Variants in IVNS1ABP observed in about 807,000 individuals in gnomAD.
IVNS1ABP encodes the protein influenza virus NS1A-binding protein.
Under a neutral mutation model 78.9 loss-of-function variants are expected in IVNS1ABP, and 25 were observed. The ratio of observed to expected loss-of-function variants is 0.32; its 90% confidence interval spans 0.23 to 0.44. The LOEUF is 0.44. Among genes scored for constraint, IVNS1ABP ranks in the 20% least tolerant of loss-of-function variants. The pLI is 1.00. For missense variants in IVNS1ABP, 494 were observed against 768.9 expected, an observed-to-expected ratio of 0.64 and a Z score of 4.23; for synonymous variants, 241 against 259.7, an observed-to-expected ratio of 0.93 and a Z score of 0.69.
At chr1:185,306,988 T>C in intron 7 of IVNS1ABP, 26 bp downstream of exon 7, 1 of 1,607,628 alleles carries the variant, frequency 6.2e-7, no homozygotes, top group Non-Finnish European at 8.5e-7. Context: ...TAAAAATGGT[T>C]GAATCCCATT....
intron 1 of IVNS1ABP, among the ~76,000 whole-genome samples, chr1:185,316,331 C>A (rs1321286116): frequency 1.3e-5 from 2 of 152,174 alleles, no homozygotes; most frequent in Non-Finnish European, 2.9e-5. Flanking sequence ...CCTCCCTCCT[C>A]CCGCCCCCTT....
chr1:185,308,652 C>G (rs1665803409), intron 5 of IVNS1ABP, 148 bp downstream of exon 5: 1 of 640,674 alleles, frequency 1.6e-6, no homozygotes, highest in East Asian at 2.7e-5. Flanking sequence ...TATAGCCAAA[C>G]AGTTAAAATA....
rs564070732 is a variant in IVNS1ABP, at chr1:185,298,889, A to G, written c.1676-601T>C. On this transcript the variant is annotated intron_variant, in intron 14 of 14. Transcript: ENST00000367498. This position sits in a 1 kb window ranked among gnomAD's most constrained non-coding sequence, Gnocchi z 4.1. ...CCAGCCTGGGCAACACAGTGAGACC[A>G]TGTCTCAATTAAAAAAATAAAATGA... 29 of 152,432 alleles carry G rather than the reference A, an allele frequency of 1.9e-4. 1 individual carries two copies. The East Asian group carries it at 5.6e-3, about 29-fold the overall frequency. 9.4% of individuals were successfully genotyped at this position (152,432 alleles called of 1,614,324 possible).
chr1:185,316,658 C>T (rs1666040290), intron 1 of IVNS1ABP, among the ~76,000 whole-genome samples: 1 of 152,206 alleles, frequency 6.6e-6, no homozygotes, highest in Non-Finnish European at 1.5e-5. Context: ...CAGCCTGCCT[C>T]ACCCGCGCCA....
chr1:185,312,356 C>T (rs1360225840), intron 1 of IVNS1ABP, among the ~76,000 whole-genome samples: 2 of 152,202 alleles, frequency 1.3e-5, no homozygotes, highest in African/African-American at 4.8e-5. Context: ...GAAACCAGAA[C>T]TAAGGAATAA....
At chr1:185,307,795 T>C (rs753334852) in intron 5 of IVNS1ABP, 133 bp from the exon 6 acceptor site, 14 of 1,186,860 alleles carry the variant, frequency 1.2e-5, no homozygotes, top group African/African-American at 1.5e-5. Flanking sequence ...CAAATGTTAA[T>C]AGTGGTAATA....
intron 2 of IVNS1ABP, among the ~76,000 whole-genome samples, chr1:185,310,227 T>C (rs1167668998): frequency 6.6e-6 from 1 of 152,222 alleles, no homozygotes; most frequent in African/African-American, 2.4e-5. Flanking sequence ...TCAGATTATA[T>C]AAATATAAAT....
In IVNS1ABP at chr1:185,297,128, GGCT is replaced by G. The variant is rs1336611312; in HGVS notation, c.*904_*906del. ...TAAAGTAAATTTTTTCACAATTGAG[GGCT>G]GCTATTTAGGACTGTTTTGTTAATA... On this transcript the variant is annotated 3_prime_UTR_variant, in exon 15 of 15. Transcript: ENST00000367498. 7 of 151,848 alleles carry G rather than the reference GGCT, an allele frequency of 4.6e-5. No individual in the cohort carries two copies. Among genetic ancestry groups the G allele is most frequent in the African/African-American group, 1.5e-4 (6 of 41,332 alleles). The allele number at this position is 151,848 out of a possible 1,614,324, so 9.4% of individuals were successfully genotyped here. A position where few individuals can be genotyped will look rare whatever the true frequency, so the allele number is the denominator to read the frequency against.
intron 8 of IVNS1ABP, among the ~76,000 whole-genome samples, chr1:185,303,725 AATAGTCT>A (rs1370394893): frequency 6.6e-6 from 1 of 152,116 alleles, no homozygotes; most frequent in African/African-American, 2.4e-5. Flanking sequence ...TACTGCTGGC[AATAGTCT>A]ATAAACTGGG....
rs1354133032 is a variant in IVNS1ABP, at chr1:185,297,711, C to T, written c.*324G>A. 8.8e-6 allele frequency: 3 copies of T among 339,426 alleles called. No homozygotes were observed. The allele number at this position is 339,426 out of a possible 1,614,324, so 21.0% of individuals were successfully genotyped here. On this transcript the variant is annotated 3_prime_UTR_variant, in exon 15 of 15. Coordinates refer to ENST00000367498, the MANE Select transcript of IVNS1ABP (RefSeq NM_006469.5). ...CATAGTACACATTTGAGGGAAGAGT[C>T]ATTTAATGTGCAAATTGGCAAAACA...
At position 185,305,747 on chromosome 1, in the gene IVNS1ABP, T is replaced by G; in HGVS notation, c.658-104A>C. ...TCAAGGTAACCTCCAGTGTGCTTCT[T>G]GAGCTTCTTGACATATTACTCTGGC... On this transcript the variant is annotated intron_variant, in intron 7 of 14. Transcript: ENST00000367498. This position sits in a 1 kb window ranked among gnomAD's most constrained non-coding sequence, Gnocchi z 4.0. The G allele has an allele frequency of 1.6e-6, 2 of 1,245,276 alleles. No individual in the cohort carries two copies. Among genetic ancestry groups the G allele is most frequent in the South Asian group, 1.4e-5 (1 of 69,460 alleles). 77.1% of individuals were successfully genotyped at this position (1,245,276 alleles called of 1,614,324 possible).
In IVNS1ABP at chr1:185,305,783, G is replaced by A. The variant is rs1665723687; in HGVS notation, c.658-140C>T. The A allele has an allele frequency of 5.7e-6, 5 of 873,636 alleles. No homozygotes were observed. The highest frequency in any genetic ancestry group is 5.8e-5 in the South Asian group (2 of 34,694). The allele number at this position is 873,636 out of a possible 1,614,324, so 54.1% of individuals were successfully genotyped here. ...ACATATTACTCTGGCAGGATCCGGA[G>A]GTAAAGAAAAATACATGTCATGGTG... is the stretch of plus-strand genomic sequence containing the variant. On this transcript the variant is annotated intron_variant, in intron 7 of 14. Coordinates refer to ENST00000367498, the MANE Select transcript of IVNS1ABP (RefSeq NM_006469.5). This position sits in a 1 kb window ranked among gnomAD's most constrained non-coding sequence, Gnocchi z 4.0.
In IVNS1ABP at chr1:185,300,109, T is replaced by C. The variant is rs1230499093; in HGVS notation, c.1391A>G (p.Lys464Arg). The stretch of plus-strand genomic sequence containing the variant: ...ATCAGAGCCACCAACGATGTATAAC[T>C]TTCCATTCAGAGCACACACTCCTAT... ...CNAGVCALNG[K>R]LYIVGGSDPY... The change falls in exon 13 of 15, where the codon AAG (lysine) becomes AGG (arginine). Residue 464 changes from lysine (K) to arginine (R), a missense_variant. By Grantham distance (26) the Lys-to-Arg change is conservative. Transcript: ENST00000367498. 2.5e-6 allele frequency: 4 copies of C among 1,613,322 alleles called. No homozygotes were observed. Among genetic ancestry groups the C allele is most frequent in the Non-Finnish European group, 3.4e-6 (4 of 1,179,586 alleles).
At chr1:185,307,266 G>T in intron 6 of IVNS1ABP, 127 bp from the exon 7 acceptor site, 1 of 1,241,222 alleles carries the variant, frequency 8.1e-7, no homozygotes, top group Non-Finnish European at 1.1e-6. Context: ...AATTTGTAAG[G>T]AACCAGGAAT....
chr1:185,310,334 G>A (rs1026831387), intron 2 of IVNS1ABP, among the ~76,000 whole-genome samples: 3 of 152,126 alleles, frequency 2.0e-5, no homozygotes, highest in African/African-American at 7.2e-5. Flanking sequence ...TAGGCTGGGC[G>A]CTATGGCTCA....
Position 185,298,594 on chromosome 1 carries a change from A to G in IVNS1ABP, c.1676-306T>C. 1 of 359,346 alleles carries G rather than the reference A, an allele frequency of 2.8e-6. No individual in the cohort carries two copies. The highest frequency in any genetic ancestry group is 3.5e-5 in the South Asian group (1 of 28,846). The allele number at this position is 359,346 out of a possible 1,614,324, so 22.3% of individuals were successfully genotyped here. On this transcript the variant is annotated intron_variant, in intron 14 of 14. Transcript: ENST00000367498. The surrounding 1 kb of genome is among the most constrained non-coding windows in gnomAD (Gnocchi z 4.1). Reference sequence around the variant, plus strand: ...CTGTGGTAGTTACTATTATTATTTCAGAGAAGAAGAAAAGCAGGAAGAAGC... The same window carrying G: ...CTGTGGTAGTTACTATTATTATTTCGGAGAAGAAGAAAAGCAGGAAGAAGC...
At chr1:185,306,777 A>T in intron 7 of IVNS1ABP, 1 of 669,724 alleles carries the variant, frequency 1.5e-6, no homozygotes, top group Non-Finnish European at 2.2e-6. Flanking sequence ...ATGCTACTTT[A>T]AAGAAAGTTA....
At chr1:185,306,565 A>G in intron 7 of IVNS1ABP, 1 of 1,281,438 alleles carries the variant, frequency 7.8e-7, no homozygotes, top group Non-Finnish European at 1.0e-6. Context: ...TTTACGTGTC[A>G]ATACACTTGA....
At chr1:185,308,457 G>C (rs1665796779) in intron 5 of IVNS1ABP, among the ~76,000 whole-genome samples, 1 of 152,170 alleles carries the variant, frequency 6.6e-6, no homozygotes. Flanking sequence ...TACTTTTAGA[G>C]AGCACAGGAA....
Sources: gnomAD v4.1 joint callset for allele counts (sites outside exome capture counted in the v4.1 genomes callset) on GRCh38, gnomAD v4.1.1 for gene constraint, Gnocchi (gnomAD v3.1) non-coding constraint, MANE v1.5 for transcripts, NCBI Gene and HGNC (gene_info 2026-07-23, HGNC 2026-07-21) for gene names.